PPM1L: variants seen among roughly 807,000 people sequenced by gnomAD.
PPM1L encodes protein phosphatase, Mg2+/Mn2+ dependent 1L.
A neutral mutation model predicts 31.4 loss-of-function variants in PPM1L; 13 were observed. That is an observed-to-expected ratio of 0.41 (90% CI 0.27 to 0.66). PPM1L has a LOEUF of 0.66. PPM1L is among the 30% of genes least tolerant of loss of function. The pLI is 0.29. For missense variants in PPM1L, 326 were observed against 453.7 expected (o/e 0.72, Z 2.56); for synonymous variants, 184 against 175.4 (o/e 1.05, Z -0.39).
intron 1 of PPM1L, among the ~76,000 whole-genome samples, chr3:160,783,600 CAAA>C (rs59293706): frequency 9.0e-6 from 1 of 110,772 alleles, no homozygotes; most frequent in Non-Finnish European, 2.0e-5. Context: ...AACTCCATCT[CAAA>C]AAAAAAAAAA....
chr3:160,827,860 C>T (rs1171207909), intron 1 of PPM1L, among the ~76,000 whole-genome samples: 1 of 152,058 alleles, frequency 6.6e-6, no homozygotes, highest in Non-Finnish European at 1.5e-5. Context: ...AAGCATGGCA[C>T]TGCATCTGCT....
chr3:160,974,950 G>T (rs1716512759), intron 2 of PPM1L, among the ~76,000 whole-genome samples: 1 of 152,006 alleles, frequency 6.6e-6, no homozygotes, highest in African/African-American at 2.4e-5. Flanking sequence ...CCTTGCCCAT[G>T]CCTATATCCT....
intron 1 of PPM1L, among the ~76,000 whole-genome samples, chr3:160,864,470 C>T (rs1407121109): frequency 1.3e-5 from 2 of 152,220 alleles, no homozygotes; most frequent in African/African-American, 4.8e-5. Context: ...AGCCACCACG[C>T]CCAGTCACCC....
chr3:160,926,355 T>C (rs1714587372), intron 1 of PPM1L, among the ~76,000 whole-genome samples: 1 of 152,186 alleles, frequency 6.6e-6, no homozygotes, highest in Admixed American at 6.5e-5. Flanking sequence ...AGGTCCTTGT[T>C]TGAAAATGAA....
chr3:160,956,927 T>C (rs145702496), intron 1 of PPM1L, among the ~76,000 whole-genome samples: 47 of 152,360 alleles, frequency 3.1e-4, no homozygotes, highest in Admixed American at 2.7e-3. Context: ...GTATAAAGCA[T>C]TGAACCAGAT....
intron 1 of PPM1L, among the ~76,000 whole-genome samples, chr3:160,829,595 C>T (rs545290185): frequency 3.3e-5 from 5 of 152,264 alleles, no homozygotes; most frequent in African/African-American, 1.2e-4. Context: ...ACCTTTGAAA[C>T]GTGGCTGATT....
At chr3:160,944,870 T>A (rs1176244173) in intron 1 of PPM1L, among the ~76,000 whole-genome samples, 1 of 34,080 alleles carries the variant, frequency 2.9e-5, no homozygotes, top group African/African-American at 8.0e-5. Flanking sequence ...TATATAATGT[T>A]ATATATAACA....
At position 160,813,319 on chromosome 3, in the gene PPM1L, A is replaced by T. The variant is rs189521076; in HGVS notation, c.399+56612A>T. Among the ~76,000 whole-genome samples the T allele has an allele frequency of 2.7e-3, 412 of 152,192 alleles. 4 individuals carry two copies. Among genetic ancestry groups the T allele is most frequent in the Middle Eastern group, 0.01 (3 of 294 alleles). On this transcript the variant is annotated intron_variant, in intron 1 of 3. Coordinates refer to ENST00000498165, the MANE Select transcript of PPM1L (RefSeq NM_139245.4). The stretch of plus-strand genomic sequence containing the variant: ...TTGGTTCTTTTACATTTTCAAGTTT[A>T]AAAAAATATGCATTACTTTATTTTA...
At chr3:161,018,401 C>A (rs968280118) in intron 2 of PPM1L, among the ~76,000 whole-genome samples, 2 of 152,130 alleles carry the variant, frequency 1.3e-5, no homozygotes, top group Non-Finnish European at 2.9e-5. Context: ...CATATGTTCT[C>A]TCTTCTTTCT....
In PPM1L at chr3:161,026,150, A is replaced by G. The variant is rs939299798; in HGVS notation, c.575-39253A>G. On this transcript the variant is annotated intron_variant, in intron 2 of 3. Coordinates refer to ENST00000498165, the MANE Select transcript of PPM1L (RefSeq NM_139245.4). ...TGCCATTGGCTGTAGTTTACATTCA[A>G]ACATTAACAGATAGTTATTAACTGC... 3.9e-5 allele frequency among the ~76,000 whole-genome samples: 6 copies of G among 152,348 alleles called. No homozygotes were observed. In the Middle Eastern group the frequency reaches 0.01, roughly 259 times the overall value.
In PPM1L at chr3:161,076,323, C is replaced by T. The variant is rs986367014; in HGVS notation, c.*7166C>T. The T allele has an allele frequency of 6.6e-6, 1 of 152,166 alleles. No homozygotes were observed. The highest frequency in any genetic ancestry group is 1.5e-5 in the Non-Finnish European group (1 of 68,032). 9.4% of individuals were successfully genotyped at this position (152,166 alleles called of 1,614,324 possible). On this transcript the variant is annotated 3_prime_UTR_variant, in exon 4 of 4. Transcript: ENST00000498165. ...CCTGCTCTGTGGAGAAAAGCTAGAA[C>T]CATGGGACATTAAGCAAGAATACTC...
chr3:160,981,300 G>A (rs1716788915), intron 2 of PPM1L, among the ~76,000 whole-genome samples: 1 of 152,128 alleles, frequency 6.6e-6, no homozygotes, highest in African/African-American at 2.4e-5. Flanking sequence ...TGTCAGCCAG[G>A]GGAGCAGTCT....
At chr3:160,896,156 G>A (rs960943776) in intron 1 of PPM1L, among the ~76,000 whole-genome samples, 7 of 152,064 alleles carry the variant, frequency 4.6e-5, no homozygotes, top group Admixed American at 1.3e-4. Context: ...ATTTTTTAGC[G>A]TTATCAATTT....
At chr3:161,049,327 AAAAC>A (rs1358994071) in intron 2 of PPM1L, among the ~76,000 whole-genome samples, 1 of 152,098 alleles carries the variant, frequency 6.6e-6, no homozygotes, top group Non-Finnish European at 1.5e-5. Flanking sequence ...CCCTAAAACA[AAAAC>A]AAGAAACTTT....
At chr3:161,000,918 C>T (rs1717460503) in intron 2 of PPM1L, among the ~76,000 whole-genome samples, 1 of 152,152 alleles carries the variant, frequency 6.6e-6, no homozygotes, top group Non-Finnish European at 1.5e-5. Context: ...AAAAGCTATA[C>T]TGAGTGCTTT....
intron 1 of PPM1L, among the ~76,000 whole-genome samples, chr3:160,896,665 AATG>A (rs1226594395): frequency 2.0e-5 from 3 of 152,192 alleles, no homozygotes; most frequent in Admixed American, 1.3e-4. Flanking sequence ...AGTGTTTTAA[AATG>A]ATAAGTGTTC....
At position 161,043,326 on chromosome 3, in the gene PPM1L, A is replaced by G. The variant is rs567808561; in HGVS notation, c.575-22077A>G. On this transcript the variant is annotated intron_variant, in intron 2 of 3. Coordinates refer to ENST00000498165, the MANE Select transcript of PPM1L (RefSeq NM_139245.4). The stretch of plus-strand genomic sequence containing the variant: ...ACATGTTATGCAGTTGGGGATTTCA[A>G]CCCACTTACAGCATAGTCTTCCCTA... 2.2e-4 allele frequency among the ~76,000 whole-genome samples: 34 copies of G among 152,272 alleles called. No homozygotes were observed. In the South Asian group the frequency reaches 7.0e-3, roughly 32 times the overall value.
chr3:160,951,547 A>AT (rs1367450880), intron 1 of PPM1L, among the ~76,000 whole-genome samples: 2 of 152,300 alleles, frequency 1.3e-5, no homozygotes, highest in East Asian at 3.9e-4. Flanking sequence ...GAGGTAAGTT[A>AT]TTTTTTATGT....
chr3:160,813,926 A>G (rs1712889464), intron 1 of PPM1L, among the ~76,000 whole-genome samples: 1 of 152,214 alleles, frequency 6.6e-6, no homozygotes, highest in South Asian at 2.1e-4. Flanking sequence ...TTGACAGTAC[A>G]GATCACTACA....
Sources: gnomAD v4.1 joint callset for allele counts (sites outside exome capture counted in the v4.1 genomes callset) on GRCh38, gnomAD v4.1.1 for gene constraint, MANE v1.5 for transcripts, NCBI Gene and HGNC (gene_info 2026-07-23, HGNC 2026-07-21) for gene names.